The following SGIP1 variants were observed in gnomAD, a reference collection of about 807,000 sequenced individuals.
The protein encoded by SGIP1 is SH3GL interacting endocytic adaptor 1.
In SGIP1, 38 loss-of-function variants were observed where a neutral mutation model predicts 107.5. The ratio of observed to expected loss-of-function variants is 0.35; its 90% CI spans 0.27 to 0.46. The LOEUF (loss-of-function observed/expected upper bound fraction) is 0.46. Ranked by LOEUF, SGIP1 falls within the 20% of genes least tolerant of loss-of-function variation. The pLI is 1.00. For synonymous variants in SGIP1, 365 were observed against 366.1 expected (o/e 1.00, Z 0.03); for missense variants, 929 against 1,019.5 (o/e 0.91, Z 1.21).
intron 1 of SGIP1, among the ~76,000 whole-genome samples, chr1:66,601,761 G>T (rs2065884380): frequency 6.6e-6 from 1 of 152,118 alleles, no homozygotes; most frequent in Non-Finnish European, 1.5e-5. Context: ...CTTCCTGTAT[G>T]TAAGGAGCCC....
intron 1 of SGIP1, among the ~76,000 whole-genome samples, chr1:66,589,317 A>G (rs1417848956): frequency 1.3e-5 from 2 of 149,360 alleles, no homozygotes; most frequent in African/African-American, 2.5e-5. Context: ...AGAGGCTAAG[A>G]CCTGCCTATT....
rs1039958910 is a variant in SGIP1 at position 66,749,474 on chromosome 1, G to A, written c.*6379G>A. On this transcript the variant is annotated 3_prime_UTR_variant, in exon 25 of 25. Coordinates refer to ENST00000371037, the MANE Select transcript of SGIP1 (RefSeq NM_032291.4). Reference sequence around the variant, plus strand: ...TTTTGCTGTTTTTTTTTCTTTTTTTGCTTTGCTTTACTTTGCCAATCAGTT... The same window carrying A: ...TTTTGCTGTTTTTTTTTCTTTTTTTACTTTGCTTTACTTTGCCAATCAGTT... Among the ~76,000 whole-genome samples, 17 of 136,444 alleles carry A rather than the reference G, an allele frequency of 1.2e-4. No individual in the cohort carries two copies. The highest frequency in any genetic ancestry group is 4.7e-4 in the African/African-American group (17 of 36,356). 89.5% of individuals were successfully genotyped at this position (136,444 alleles called of 152,430 possible). A position where few individuals can be genotyped will look rare whatever the true frequency, so the allele number is the denominator to read the frequency against.
At chr1:66,676,972 T>A in intron 12 of SGIP1, 32 bp from the exon 13 acceptor site, 1 of 1,554,726 alleles carries the variant, frequency 6.4e-7, no homozygotes, top group Non-Finnish European at 8.7e-7. Flanking sequence ...TTTTTTTAAC[T>A]CACCCTGGGA....
At chr1:66,604,956 C>A (rs1231644541) in intron 1 of SGIP1, among the ~76,000 whole-genome samples, 2 of 152,212 alleles carry the variant, frequency 1.3e-5, no homozygotes, top group African/African-American at 4.8e-5. Flanking sequence ...GGGCTCCCAT[C>A]ATATATTTTG....
At chr1:66,614,549 T>C (rs575043192) in intron 1 of SGIP1, among the ~76,000 whole-genome samples, 1 of 152,350 alleles carries the variant, frequency 6.6e-6, no homozygotes, top group Admixed American at 6.5e-5. Flanking sequence ...AAACTTTTTA[T>C]TTCTATGTGT....
At chr1:66,658,650 C>T (rs1163595087) in intron 7 of SGIP1, among the ~76,000 whole-genome samples, 1 of 152,182 alleles carries the variant, frequency 6.6e-6, no homozygotes, top group African/African-American at 2.4e-5. Flanking sequence ...AGAATCCATG[C>T]ATAGCCATTA....
chr1:66,673,383 C>A lies in SGIP1; in HGVS notation c.646+17C>A, dbSNP rs199877289. 1 of 1,573,978 alleles carries A rather than the reference C, an allele frequency of 6.4e-7. No homozygotes were observed. Among genetic ancestry groups the A allele is most frequent in the Non-Finnish European group, 8.6e-7 (1 of 1,166,944 alleles). ...AGACAGAAGGTAGGAAAAGAAACTC[C>A]ATATATTATAGATTTGTTTTTTCTT... On this transcript the variant is annotated intron_variant, in intron 12 of 24. Coordinates refer to ENST00000371037, the MANE Select transcript of SGIP1 (RefSeq NM_032291.4).
At chr1:66,650,922 A>C (rs2078634887) in intron 7 of SGIP1, among the ~76,000 whole-genome samples, 1 of 152,126 alleles carries the variant, frequency 6.6e-6, no homozygotes, top group African/African-American at 2.4e-5. Flanking sequence ...AGTCAGAACT[A>C]AGTTTGCATT....
intron 3 of SGIP1, chr1:66,634,086 A>C: frequency 1.3e-6 from 2 of 1,591,444 alleles, no homozygotes; most frequent in Non-Finnish European, 8.6e-7. Context: ...TCAGCAGGGG[A>C]AAAAAAAGAC....
chr1:66,553,932 T>G (rs2148323039), intron 1 of SGIP1, among the ~76,000 whole-genome samples: 1 of 152,230 alleles, frequency 6.6e-6, no homozygotes, highest in East Asian at 1.9e-4. Flanking sequence ...GAAACACTGT[T>G]GCCAGTGGTC....
chr1:66,610,501 T>C (rs767056373), intron 1 of SGIP1, among the ~76,000 whole-genome samples: 1 of 152,318 alleles, frequency 6.6e-6, no homozygotes, highest in Non-Finnish European at 1.5e-5. Context: ...ATCTCTTACC[T>C]GATGTTATGT....
chr1:66,694,865 T>C (rs17492182), intron 17 of SGIP1: 34,911 of 237,660 alleles, frequency 0.15, 3,064 homozygotes, highest in Non-Finnish European at 0.19. Flanking sequence ...TCTTGTTTTC[T>C]CTTTGATACA....
Position 66,658,968 on chromosome 1 carries a change from C to G in SGIP1, c.460-1545C>G, listed in dbSNP as rs114880274. ...GCAGCATGGGCAGGAGACAGGGAAG[C>G]GTGTAAGTGCACGGCACATCCAAGA... is the stretch of plus-strand genomic sequence containing the variant. On this transcript the variant is annotated intron_variant, in intron 7 of 24. Coordinates refer to ENST00000371037, the MANE Select transcript of SGIP1 (RefSeq NM_032291.4). Among the ~76,000 whole-genome samples, 10 of 152,126 alleles carry G rather than the reference C, an allele frequency of 6.6e-5. No individual in the cohort carries two copies. The East Asian group carries it at 1.4e-3, about 21-fold the overall frequency.
intron 9 of SGIP1, among the ~76,000 whole-genome samples, chr1:66,668,615 T>C (rs940852000): frequency 1.3e-5 from 2 of 152,226 alleles, no homozygotes; most frequent in African/African-American, 4.8e-5. Flanking sequence ...GAAATATCCC[T>C]AGGCCTGTGC....
chr1:66,602,598 A>T (rs1265997650), intron 1 of SGIP1, among the ~76,000 whole-genome samples: 1 of 152,152 alleles, frequency 6.6e-6, no homozygotes, highest in Admixed American at 6.5e-5. Context: ...TATGTAACAA[A>T]CCTGCACGTT....
At chr1:66,734,587 G>A (rs1557799230) in intron 21 of SGIP1, among the ~76,000 whole-genome samples, 1 of 148,200 alleles carries the variant, frequency 6.7e-6, no homozygotes, top group African/African-American at 2.5e-5. Context: ...TCACTGCAAT[G>A]TCCACCTCCT....
chr1:66,652,148 G>A (rs2078883401), intron 7 of SGIP1, among the ~76,000 whole-genome samples: 1 of 150,964 alleles, frequency 6.6e-6, no homozygotes, highest in African/African-American at 2.4e-5. Context: ...CCTCAACTCG[G>A]AGCTTCAGAT....
chr1:66,564,902 T>G (rs1186666436), intron 1 of SGIP1, among the ~76,000 whole-genome samples: 1 of 151,966 alleles, frequency 6.6e-6, no homozygotes, highest in East Asian at 1.9e-4. Context: ...CTAGTGAGTA[T>G]TTTTGTTATG....
At chr1:66,723,459 G>T (rs1366313673) in intron 19 of SGIP1, among the ~76,000 whole-genome samples, 2 of 152,156 alleles carry the variant, frequency 1.3e-5, no homozygotes, top group Non-Finnish European at 1.5e-5. Context: ...ACTGATTGGG[G>T]AAACACATCT....
Sources: allele counts gnomAD v4.1 joint callset (sites outside exome capture counted in the v4.1 genomes callset), GRCh38; gene constraint gnomAD v4.1.1; transcripts MANE v1.5; gene names NCBI Gene and HGNC (gene_info 2026-07-23, HGNC 2026-07-21).